ADAM22: variants seen among roughly 807,000 people sequenced by gnomAD.
ADAM22 encodes ADAM metallopeptidase domain 22, also known as disintegrin and metalloproteinase domain-containing protein 22.
Under a neutral mutation model 144.6 loss-of-function variants are expected in ADAM22, and 65 were observed. The ratio of observed to expected loss-of-function variants is 0.45; its 90% confidence interval spans 0.37 to 0.55. The LOEUF (loss-of-function observed/expected upper bound fraction) is 0.55. Among genes scored for constraint, ADAM22 ranks in the 20% least tolerant of loss-of-function variants. The pLI, the probability that ADAM22 is intolerant of heterozygous loss-of-function variation, is 0.00. For missense variants in ADAM22, 974 were observed against 1,184.9 expected, an observed-to-expected ratio of 0.82 and a Z score of 2.61; for synonymous variants, 391 against 412.6, an observed-to-expected ratio of 0.95 and a Z score of 0.63.
chr7:88,047,353 T>G (rs1804944290), intron 3 of ADAM22, among the ~76,000 whole-genome samples: 1 of 152,230 alleles, frequency 6.6e-6, no homozygotes, highest in African/African-American at 2.4e-5. Context: ...ACATTTAATC[T>G]ATCTTCCAGC....
intron 4 of ADAM22, among the ~76,000 whole-genome samples, chr7:88,093,991 T>C (rs887241195): frequency 2.0e-5 from 3 of 152,112 alleles, no homozygotes; most frequent in Non-Finnish European, 4.4e-5. Flanking sequence ...TACAGTGGAA[T>C]AGAAAAAAAG....
intron 2 of ADAM22, among the ~76,000 whole-genome samples, chr7:87,957,253 T>G (rs1266981459): frequency 6.6e-6 from 1 of 152,232 alleles, no homozygotes; most frequent in Non-Finnish European, 1.5e-5. Flanking sequence ...TCTGGATGGT[T>G]GTGTTACTTA....
At chr7:88,069,189 CCT>C in intron 3 of ADAM22, among the ~76,000 whole-genome samples, 1 of 151,970 alleles carries the variant, frequency 6.6e-6, no homozygotes, top group East Asian at 1.9e-4. Flanking sequence ...CTCTCTTCTC[CCT>C]GTCTCCTTCC....
At chr7:88,159,733 A>T (rs538440580) in intron 22 of ADAM22, among the ~76,000 whole-genome samples, 1 of 152,268 alleles carries the variant, frequency 6.6e-6, no homozygotes, top group African/African-American at 2.4e-5. Flanking sequence ...CTCTCAATAA[A>T]CTACGTATTA....
chr7:88,153,708 T>G (rs1586258561), intron 21 of ADAM22, among the ~76,000 whole-genome samples: 1 of 152,186 alleles, frequency 6.6e-6, no homozygotes, highest in East Asian at 1.9e-4. Context: ...TTCACTGTCC[T>G]TCTGTCTAGA....
chr7:88,023,819 C>T lies in ADAM22; in HGVS notation c.323+45407C>T, dbSNP rs184766868. On this transcript the variant is annotated intron_variant, in intron 3 of 31. Transcript: ENST00000413139. ...CCATTTTTTGGTACTCCTTAGCTAC[C>T]CCCACTTCCCCCCTACCCTCCTGTT... Among the ~76,000 whole-genome samples the T allele has an allele frequency of 1.1e-3, 155 of 139,446 alleles. No individual in the cohort carries two copies. In the Middle Eastern group the frequency reaches 0.015, roughly 13 times the overall value. 91.5% of individuals were successfully genotyped at this position (139,446 alleles called of 152,430 possible).
intron 3 of ADAM22, among the ~76,000 whole-genome samples, chr7:88,062,600 G>A (rs1810194824): frequency 2.6e-5 from 4 of 152,312 alleles, no homozygotes; most frequent in South Asian, 4.1e-4. Context: ...CAGTATAGCA[G>A]CATTTTTAAT....
Position 88,199,519 on chromosome 7 carries a change from C to G in ADAM22, c.*3028C>G, listed in dbSNP as rs886585223. 1.3e-5 allele frequency: 2 copies of G among 152,198 alleles called. No individual in the cohort carries two copies. Among genetic ancestry groups the G allele is most frequent in the South Asian group, 2.1e-4 (1 of 4,824 alleles). 9.4% of individuals were successfully genotyped at this position (152,198 alleles called of 1,614,324 possible). A position where few individuals can be genotyped will look rare whatever the true frequency, so the allele number is the denominator to read the frequency against. On this transcript the variant is annotated 3_prime_UTR_variant, in exon 32 of 32. Transcript: ENST00000413139. ...CCACATGAACTGTCCTCCAGCCACT[C>G]TTTATTTAGATGGGAAGTGGCATGG...
At chr7:88,139,239 G>A (rs865868905) in intron 14 of ADAM22, among the ~76,000 whole-genome samples, 1 of 152,160 alleles carries the variant, frequency 6.6e-6, no homozygotes, top group Admixed American at 6.5e-5. Flanking sequence ...CCAACATGGC[G>A]AAACCCCGTC....
intron 3 of ADAM22, among the ~76,000 whole-genome samples, chr7:88,056,157 A>G (rs1016171350): frequency 6.6e-6 from 1 of 152,072 alleles, no homozygotes. Flanking sequence ...ACTTCTTGGT[A>G]CTCTGCATAG....
chr7:87,974,676 A>G (rs948282274), intron 2 of ADAM22, among the ~76,000 whole-genome samples: 9 of 152,224 alleles, frequency 5.9e-5, no homozygotes, highest in Non-Finnish European at 1.0e-4. Flanking sequence ...TGGTGCTTCT[A>G]TAACACATTA....
At chr7:88,181,373 T>A in intron 27 of ADAM22, 132 bp from the exon 28 acceptor site, 1 of 713,268 alleles carries the variant, frequency 1.4e-6, no homozygotes, top group Non-Finnish European at 2.3e-6. Flanking sequence ...CTCTTCATTC[T>A]TTCATTTCAG....
chr7:88,148,769 C>G (rs909158857), intron 17 of ADAM22, among the ~76,000 whole-genome samples: 15 of 152,222 alleles, frequency 9.9e-5, no homozygotes, highest in Admixed American at 9.2e-4. Context: ...TGTGTAATGA[C>G]TATGGAAATT....
At chr7:88,047,075 G>T (rs573433238) in intron 3 of ADAM22, among the ~76,000 whole-genome samples, 1 of 152,014 alleles carries the variant, frequency 6.6e-6, no homozygotes, top group Non-Finnish European at 1.5e-5. Context: ...TTGTCTTCAG[G>T]CATCTATTTC....
intron 4 of ADAM22, among the ~76,000 whole-genome samples, chr7:88,097,395 G>A (rs191599618): frequency 4.6e-5 from 7 of 151,454 alleles, no homozygotes; most frequent in East Asian, 1.9e-4. Context: ...CGACCCACCC[G>A]CCTCAGTCTC....
chr7:87,989,099 A>T (rs1334589243), intron 3 of ADAM22, among the ~76,000 whole-genome samples: 2 of 152,200 alleles, frequency 1.3e-5, no homozygotes, highest in Non-Finnish European at 2.9e-5. Context: ...TTAATCAGAG[A>T]TGTTTCCACA....
chr7:87,967,524 G>A (rs778504531), intron 2 of ADAM22, among the ~76,000 whole-genome samples: 1 of 151,974 alleles, frequency 6.6e-6, no homozygotes, highest in Non-Finnish European at 1.5e-5. Flanking sequence ...TAAAAAAACA[G>A]TATAGGCTGG....
intron 23 of ADAM22, 35 bp from the exon 24 acceptor site, chr7:88,165,797 G>C: frequency 6.9e-7 from 1 of 1,451,042 alleles, no homozygotes; most frequent in Non-Finnish European, 9.6e-7. Context: ...GTACCAGAGA[G>C]TTGACATTTA....
intron 29 of ADAM22, among the ~76,000 whole-genome samples, chr7:88,182,430 G>A (rs1443193251): frequency 6.6e-6 from 1 of 152,130 alleles, no homozygotes; most frequent in Non-Finnish European, 1.5e-5. Context: ...TTGTACTAGA[G>A]CATGATACTG....
Sources: gnomAD v4.1 joint callset for allele counts (sites outside exome capture counted in the v4.1 genomes callset) on GRCh38, gnomAD v4.1.1 for gene constraint, MANE v1.5 for transcripts, NCBI Gene and HGNC (gene_info 2026-07-23, HGNC 2026-07-21) for gene names.